The following GRK5 variants were observed in gnomAD, a reference collection of about 807,000 sequenced individuals.
The protein encoded by GRK5 is G protein-coupled receptor kinase 5, also known as g protein-coupled receptor kinase GRK5.
Under a neutral mutation model 78.4 loss-of-function variants are expected in GRK5, and 40 were observed. The observed-to-expected ratio is 0.51, with a 90% CI of 0.40 to 0.66. The LOEUF (loss-of-function observed/expected upper bound fraction) is 0.66. Ranked by LOEUF, GRK5 falls within the 30% of genes least tolerant of loss-of-function variation. The pLI is 0.00. For missense variants in GRK5, 598 were observed against 759.9 expected, an observed-to-expected ratio of 0.79 and a Z score of 2.50; for synonymous variants, 289 against 296.8, an observed-to-expected ratio of 0.97 and a Z score of 0.27.
At chr10:119,386,956 C>A (rs140619414) in intron 3 of GRK5, among the ~76,000 whole-genome samples, 1 of 152,068 alleles carries the variant, frequency 6.6e-6, no homozygotes, top group Non-Finnish European at 1.5e-5. Context: ...AACCTGTCCT[C>A]GTTGGACTCT....
intron 8 of GRK5, 38 bp from the exon 9 acceptor site, chr10:119,436,613 G>C (rs1272667244): frequency 6.2e-7 from 1 of 1,608,090 alleles, no homozygotes; most frequent in Non-Finnish European, 8.5e-7. Context: ...AGTGGCCATT[G>C]TCACAACCTC....
intron 3 of GRK5, among the ~76,000 whole-genome samples, chr10:119,390,435 C>T (rs554129309): frequency 6.6e-6 from 1 of 152,306 alleles, no homozygotes; most frequent in East Asian, 1.9e-4. Flanking sequence ...GCCTGTAATC[C>T]TGTAATCCCA....
chr10:119,328,373 G>C (rs1342405236), intron 2 of GRK5, among the ~76,000 whole-genome samples: 1 of 152,104 alleles, frequency 6.6e-6, no homozygotes, highest in Non-Finnish European at 1.5e-5. Context: ...TTTCCTCATG[G>C]GGGACCATTT....
chr10:119,392,410 G>C (rs535922519), intron 3 of GRK5, among the ~76,000 whole-genome samples: 6 of 152,286 alleles, frequency 3.9e-5, no homozygotes, highest in African/African-American at 1.4e-4. Context: ...CTGGCACCGT[G>C]GCTGTTAGAC....
intron 2 of GRK5, among the ~76,000 whole-genome samples, chr10:119,337,227 T>G (rs1254813038): frequency 6.6e-6 from 1 of 152,206 alleles, no homozygotes; most frequent in Non-Finnish European, 1.5e-5. Flanking sequence ...AGGCCAGGTC[T>G]CCCATTTCCA....
At position 119,445,090 on chromosome 10, in the gene GRK5, C is replaced by T. The variant is rs1161947563; in HGVS notation, c.1266+1338C>T. ...TGTGTACAGCAGACCCACACTCTAA[C>T]CCCACAGCTGTTGGCCCGCCATGCA... On this transcript the variant is annotated intron_variant, in intron 12 of 15. Coordinates refer to ENST00000392870, the MANE Select transcript of GRK5 (RefSeq NM_005308.3). The surrounding 1 kb of genome is among the most constrained non-coding windows in gnomAD (Gnocchi z 4.1). Among the ~76,000 whole-genome samples the T allele has an allele frequency of 6.6e-6, 1 of 152,162 alleles. No homozygotes were observed. The highest frequency in any genetic ancestry group is 2.4e-5 in the African/African-American group (1 of 41,426).
chr10:119,410,703 C>A (rs1050059422), intron 4 of GRK5, among the ~76,000 whole-genome samples: 2 of 152,070 alleles, frequency 1.3e-5, no homozygotes, highest in Non-Finnish European at 2.9e-5. Context: ...AGTGTCAGTT[C>A]TGCCATTAGG....
chr10:119,336,741 G>A lies in GRK5; in HGVS notation c.148+10130G>A, dbSNP rs1161764907. Among the ~76,000 whole-genome samples the A allele has an allele frequency of 1.3e-5, 2 of 152,214 alleles. No individual in the cohort carries two copies. Among genetic ancestry groups the A allele is most frequent in the African/African-American group, 4.8e-5 (2 of 41,468 alleles). On this transcript the variant is annotated intron_variant, in intron 2 of 15. Transcript: ENST00000392870. This position sits in a 1 kb window ranked among gnomAD's most constrained non-coding sequence, Gnocchi z 4.5. ...CAGACGTCATTGCTGTCCTTGGGGT[G>A]ATAAGGGCGCGTCATGTCTGTCGTT...
chr10:119,221,091 G>A (rs1848650321), intron 1 of GRK5, among the ~76,000 whole-genome samples: 1 of 152,086 alleles, frequency 6.6e-6, no homozygotes, highest in Non-Finnish European at 1.5e-5. Flanking sequence ...GGGAGGCGGA[G>A]GTTGCAGTGA....
At position 119,231,190 on chromosome 10, in the gene GRK5, C is replaced by T. The variant is rs543415433; in HGVS notation, c.52+23221C>T. ...CTGTTCACCTGACAAGGGATTGATA[C>T]CCAGAACATACAAGGAACTCAAACA... On this transcript the variant is annotated intron_variant, in intron 1 of 15. Coordinates refer to ENST00000392870, the MANE Select transcript of GRK5 (RefSeq NM_005308.3). 2.6e-5 allele frequency among the ~76,000 whole-genome samples: 4 copies of T among 152,132 alleles called. No homozygotes were observed. In the East Asian group the frequency reaches 7.7e-4, roughly 29 times the overall value.
At chr10:119,400,377 G>A (rs1228775206) in intron 4 of GRK5, among the ~76,000 whole-genome samples, 1 of 152,196 alleles carries the variant, frequency 6.6e-6, no homozygotes, top group Non-Finnish European at 1.5e-5. Flanking sequence ...GCCTTCATGG[G>A]TGCAGTGCAG....
intron 3 of GRK5, among the ~76,000 whole-genome samples, chr10:119,382,971 G>T (rs540280268): frequency 3.9e-5 from 6 of 152,146 alleles, no homozygotes; most frequent in Admixed American, 2.0e-4. Context: ...GCCCAGGCTG[G>T]AGTACAGTGG....
intron 3 of GRK5, among the ~76,000 whole-genome samples, chr10:119,387,736 C>T (rs991357595): frequency 6.6e-6 from 1 of 152,180 alleles, no homozygotes; most frequent in African/African-American, 2.4e-5. Flanking sequence ...TATCTCCACA[C>T]TTGGGTGAGA....
rs760612175 is a variant in GRK5 at position 119,459,409 on chromosome 10, A to ATG, written c.*4342_*4343insTG. On this transcript the variant is annotated 3_prime_UTR_variant, in exon 16 of 16. Transcript: ENST00000392870. Reference sequence around the variant, plus strand: ...TGGCAGAGAAAGACACTTCCCCCCCAAAGTGGAATTTAGATGTCTTTCCCT... The same window carrying ATG: ...TGGCAGAGAAAGACACTTCCCCCCCATGAAGTGGAATTTAGATGTCTTTCCCT... The ATG allele has an allele frequency of 0.1, 15,675 of 152,220 alleles. 1,056 individuals carry two copies. Among genetic ancestry groups the ATG allele is most frequent in the East Asian group, 0.25 (1,305 of 5,172 alleles). The allele number at this position is 152,220 out of a possible 1,614,324, so 9.4% of individuals were successfully genotyped here.
chr10:119,208,057 G>A, intron 1 of GRK5, 88 bp downstream of exon 1: 5 of 1,276,228 alleles, frequency 3.9e-6, no homozygotes, highest in Non-Finnish European at 4.3e-6. Flanking sequence ...GGCTGCGCCC[G>A]TGCAGGATGC....
At chr10:119,406,823 TC>T (rs1852247865) in intron 4 of GRK5, among the ~76,000 whole-genome samples, 1 of 152,236 alleles carries the variant, frequency 6.6e-6, no homozygotes, top group Non-Finnish European at 1.5e-5. Context: ...CTCTTCCACT[TC>T]CACTTCTGGG....
Position 119,279,104 on chromosome 10 carries a change from T to G in GRK5, c.53-47412T>G, listed in dbSNP as rs139650115. Among the ~76,000 whole-genome samples the G allele has an allele frequency of 9.4e-3, 1,438 of 152,220 alleles. 22 individuals are homozygous for G. Among genetic ancestry groups the G allele is most frequent in the African/African-American group, 0.033 (1,372 of 41,538 alleles). On this transcript the variant is annotated intron_variant, in intron 1 of 15. Coordinates refer to ENST00000392870, the MANE Select transcript of GRK5 (RefSeq NM_005308.3). ...ACCATGTTAGCCAGGATGGTCTCGATCTCCTGACCTCGTGATCCACCCGCC... is the reference window on the plus strand; with the variant it reads ...ACCATGTTAGCCAGGATGGTCTCGAGCTCCTGACCTCGTGATCCACCCGCC...
intron 3 of GRK5, among the ~76,000 whole-genome samples, chr10:119,391,566 C>T (rs895825116): frequency 1.3e-5 from 2 of 152,080 alleles, no homozygotes; most frequent in Admixed American, 6.5e-5. Flanking sequence ...AAGGGACTGA[C>T]GCGGGATCGT....
chr10:119,322,221 G>A (rs1850597667), intron 1 of GRK5, among the ~76,000 whole-genome samples: 1 of 152,180 alleles, frequency 6.6e-6, no homozygotes, highest in African/African-American at 2.4e-5. Context: ...CCAAAGTGCT[G>A]GGATTACAGG....
Sources: allele counts gnomAD v4.1 joint callset (sites outside exome capture counted in the v4.1 genomes callset), GRCh38; gene constraint gnomAD v4.1.1; non-coding constraint Gnocchi (gnomAD v3.1); transcripts MANE v1.5; gene names NCBI Gene and HGNC (gene_info 2026-07-23, HGNC 2026-07-21).